SEM1: variants seen among roughly 807,000 people sequenced by gnomAD.
SEM1 encodes the protein SEM1 26S proteasome subunit, also known as 26S proteasome complex subunit SEM1.
SEM1 carries 3 observed loss-of-function variants against 12.7 expected under a neutral mutation model. The ratio of observed to expected loss-of-function variants is 0.24; its 90% CI spans 0.11 to 0.61. The LOEUF (loss-of-function observed/expected upper bound fraction) is 0.61, where lower values mean the gene tolerates loss of function less well. Ranked by LOEUF, SEM1 falls within the 20% of genes least tolerant of loss-of-function variation. The pLI is 0.88. For synonymous variants in SEM1, 30 were observed against 27.8 expected, an observed-to-expected ratio of 1.08 and a Z score of -0.25; for missense variants, 59 against 81.3, an observed-to-expected ratio of 0.73 and a Z score of 1.06.
intron 2 of SEM1, among the ~76,000 whole-genome samples, chr7:96,563,854 C>T (rs1471173634): frequency 3.5e-5 from 5 of 143,560 alleles, no homozygotes; most frequent in African/African-American, 1.2e-4. Flanking sequence ...CCCAGATTAG[C>T]CTATAAATTC....
chr7:96,592,362 C>T lies in SEM1; in HGVS notation c.171-85664G>A, dbSNP rs115186494. On this transcript the variant is annotated intron_variant and NMD_transcript_variant, in intron 2 of 3. Coordinates refer to the SEM1 transcript ENST00000466986. Reference sequence around the variant, plus strand: ...CACTTGCCCCCAACTGAGACCAAGACTGAAGTGAATAAGAATTAGGTGAGT... The same window carrying T: ...CACTTGCCCCCAACTGAGACCAAGATTGAAGTGAATAAGAATTAGGTGAGT... 4.9e-3 allele frequency among the ~76,000 whole-genome samples: 739 copies of T among 152,136 alleles called. 9 individuals carry two copies. Among genetic ancestry groups the T allele is most frequent in the African/African-American group, 0.017 (706 of 41,514 alleles).
intron 1 of SEM1, among the ~76,000 whole-genome samples, chr7:96,707,416 C>A (rs1006509613): frequency 3.3e-5 from 5 of 152,060 alleles, no homozygotes; most frequent in African/African-American, 1.2e-4. Flanking sequence ...TAAGAAAAAC[C>A]TCTCCAAATC....
chr7:96,668,838 A>T (rs150374107), downstream of SEM1, among the ~76,000 whole-genome samples: 137 of 152,318 alleles, frequency 9.0e-4, 3 homozygotes, highest in East Asian at 0.024. Context: ...AATGAATAAG[A>T]TGGTCCTACT....
chr7:96,609,118 T>A (rs1003170427), intron 2 of SEM1, among the ~76,000 whole-genome samples: 1 of 152,178 alleles, frequency 6.6e-6, no homozygotes, highest in African/African-American at 2.4e-5. Flanking sequence ...ATCTTTTTAT[T>A]ATAGCCATCC....
chr7:96,561,488 G>A (rs1805689062), intron 2 of SEM1, among the ~76,000 whole-genome samples: 1 of 152,154 alleles, frequency 6.6e-6, no homozygotes, highest in South Asian at 2.1e-4. Flanking sequence ...AATGGCAGAG[G>A]CTCTCAAACC....
chr7:96,646,773 T>C (rs928974972), intron 2 of SEM1, among the ~76,000 whole-genome samples: 2 of 152,180 alleles, frequency 1.3e-5, no homozygotes, highest in East Asian at 1.9e-4. Context: ...AAAGATACAA[T>C]TGGATCCCCA....
At chr7:96,664,881 C>G (rs1198949904) in intron 2 of SEM1, among the ~76,000 whole-genome samples, 1 of 152,144 alleles carries the variant, frequency 6.6e-6, no homozygotes, top group Non-Finnish European at 1.5e-5. Flanking sequence ...AATGAATAAA[C>G]CACAGATACA....
At chr7:96,535,161 T>G (rs1804749506) in intron 2 of SEM1, among the ~76,000 whole-genome samples, 1 of 151,964 alleles carries the variant, frequency 6.6e-6, no homozygotes, top group South Asian at 2.1e-4. Context: ...ATAGACTAAA[T>G]TTCTAAAATT....
chr7:96,536,918 C>T (rs1334493586), intron 2 of SEM1, among the ~76,000 whole-genome samples: 1 of 151,702 alleles, frequency 6.6e-6, no homozygotes, highest in Non-Finnish European at 1.5e-5. Context: ...TTTAAAGTAA[C>T]TATTGGTACA....
intron 2 of SEM1, among the ~76,000 whole-genome samples, chr7:96,646,470 T>C (rs1017685840): frequency 6.6e-6 from 1 of 152,232 alleles, no homozygotes; most frequent in Non-Finnish European, 1.5e-5. Context: ...TTGGGTCACA[T>C]ATTATTTTAG....
At chr7:96,638,361 T>A (rs1808492411) in intron 2 of SEM1, among the ~76,000 whole-genome samples, 1 of 152,032 alleles carries the variant, frequency 6.6e-6, no homozygotes, top group Admixed American at 6.6e-5. Flanking sequence ...GGATACTCTA[T>A]GAATGTCTAT....
intron 2 of SEM1, among the ~76,000 whole-genome samples, chr7:96,557,188 G>C (rs986368564): frequency 2.0e-5 from 3 of 151,464 alleles, no homozygotes; most frequent in Non-Finnish European, 4.4e-5. Flanking sequence ...TCTTCTCTCA[G>C]CTCGTCAAAG....
intron 2 of SEM1, among the ~76,000 whole-genome samples, chr7:96,540,762 A>G (rs1187597939): frequency 1.3e-5 from 2 of 151,758 alleles, no homozygotes; most frequent in African/African-American, 4.8e-5. Flanking sequence ...AGTAGTTTCC[A>G]GTGTCTATTA....
chr7:96,681,869 C>A (rs188259129), intron 2 of SEM1, among the ~76,000 whole-genome samples: 2 of 152,182 alleles, frequency 1.3e-5, no homozygotes, highest in Non-Finnish European at 2.9e-5. Context: ...GCTATGCAGG[C>A]TCTTTTTTGG....
intron 2 of SEM1, among the ~76,000 whole-genome samples, chr7:96,635,696 G>A (rs1808407756): frequency 6.6e-6 from 1 of 152,078 alleles, no homozygotes; most frequent in Admixed American, 6.6e-5. Flanking sequence ...TGATGGGTAT[G>A]CAATACCTTT....
intron 2 of SEM1, among the ~76,000 whole-genome samples, chr7:96,555,439 C>T (rs1335493598): frequency 1.4e-5 from 2 of 144,722 alleles, no homozygotes; most frequent in Admixed American, 7.0e-5. Flanking sequence ...GCCTTCATTT[C>T]GTTATGTACC....
intron 2 of SEM1, among the ~76,000 whole-genome samples, chr7:96,542,712 T>G (rs1804992529): frequency 6.6e-6 from 1 of 151,932 alleles, no homozygotes; most frequent in African/African-American, 2.4e-5. Context: ...TAATATTTAA[T>G]GATAACGAGG....
downstream of SEM1, among the ~76,000 whole-genome samples, chr7:96,687,763 C>G (rs1216178536): frequency 6.6e-6 from 1 of 151,598 alleles, no homozygotes; most frequent in African/African-American, 2.4e-5. Flanking sequence ...TGCACATGTA[C>G]CCTAAAACTT....
Position 96,567,030 on chromosome 7 carries a change from A to G in SEM1, c.171-60332T>C, listed in dbSNP as rs563289936. On this transcript the variant is annotated intron_variant and NMD_transcript_variant, in intron 2 of 3. Transcript: ENST00000466986. The stretch of plus-strand genomic sequence containing the variant: ...CCAGTAAAAGTGTGTTTTAATTAAT[A>G]TAGCATTTAGTACCTTGTAGAACTA... 4.6e-5 allele frequency among the ~76,000 whole-genome samples: 7 copies of G among 151,756 alleles called. No individual in the cohort carries two copies. The South Asian group carries it at 1.4e-3, about 31-fold the overall frequency.
Sources: allele counts gnomAD v4.1 joint callset (sites outside exome capture counted in the v4.1 genomes callset), GRCh38; gene constraint gnomAD v4.1.1; transcripts MANE v1.5; gene names NCBI Gene and HGNC (gene_info 2026-07-23, HGNC 2026-07-21).